PDE10A: variants seen among roughly 807,000 people sequenced by gnomAD.
The protein encoded by PDE10A is phosphodiesterase 10A.
A neutral mutation model predicts 97.7 loss-of-function variants in PDE10A; 39 were observed. The ratio of observed to expected loss-of-function variants is 0.40; its 90% CI spans 0.31 to 0.52. The LOEUF (loss-of-function observed/expected upper bound fraction) is 0.52, where lower values mean the gene tolerates loss of function less well. Ranked by LOEUF, PDE10A falls within the 20% of genes least tolerant of loss-of-function variation. PDE10A has a pLI of 0.56. For synonymous variants in PDE10A, 371 were observed against 376.8 expected (o/e 0.98, Z 0.18); for missense variants, 731 against 1,047.8 (o/e 0.70, Z 4.17).
chr6:165,423,757 C>T (rs1003597515), intron 10 of PDE10A, among the ~76,000 whole-genome samples: 4 of 150,708 alleles, frequency 2.7e-5, no homozygotes, highest in African/African-American at 4.9e-5. Flanking sequence ...CCCAGCTACT[C>T]GGGAGGCTGA....
At chr6:165,527,116 G>A (rs1315970715) in intron 2 of PDE10A, among the ~76,000 whole-genome samples, 1 of 152,206 alleles carries the variant, frequency 6.6e-6, no homozygotes, top group Non-Finnish European at 1.5e-5. Flanking sequence ...GGGGTCCAGT[G>A]GTCTGGGGCC....
intron 3 of PDE10A, among the ~76,000 whole-genome samples, chr6:165,459,558 CAGATAGAT>C (rs374037848): frequency 0.011 from 1,021 of 93,676 alleles, 9 homozygotes; most frequent in African/African-American, 0.029. Flanking sequence ...GACAGACAGA[CAGATAGAT>C]AGATAATGAT....
intron 1 of PDE10A, among the ~76,000 whole-genome samples, chr6:165,882,511 G>A (rs1219701179): frequency 2.6e-5 from 4 of 152,130 alleles, no homozygotes; most frequent in Non-Finnish European, 5.9e-5. Context: ...GCTTAAAAAG[G>A]ATAACAAGAC....
intron 1 of PDE10A, among the ~76,000 whole-genome samples, chr6:165,771,298 T>C (rs914847191): frequency 4.6e-5 from 7 of 152,172 alleles, no homozygotes; most frequent in African/African-American, 7.2e-5. Context: ...TAACATCTGG[T>C]TGGACTCCAC....
At chr6:165,823,503 T>TGAACCTTA (rs1255802648) in intron 1 of PDE10A, among the ~76,000 whole-genome samples, 27 of 125,768 alleles carry the variant, frequency 2.1e-4, no homozygotes, top group Non-Finnish European at 1.2e-4. Flanking sequence ...TATATATATA[T>TGAACCTTA]ATATATATAT....
intron 6 of PDE10A, 101 bp from the exon 7 acceptor site, chr6:165,433,230 A>G (rs1583275986): frequency 1.2e-6 from 1 of 827,460 alleles, no homozygotes; most frequent in Non-Finnish European, 1.9e-6. Context: ...GTAATCAATA[A>G]TAAGCAGTAC....
chr6:165,970,329 A>G (rs1270820315), intron 1 of PDE10A, among the ~76,000 whole-genome samples: 1 of 152,222 alleles, frequency 6.6e-6, no homozygotes, highest in Non-Finnish European at 1.5e-5. Flanking sequence ...TGAAGATTAG[A>G]TGGTAGAGAT....
At chr6:165,761,579 C>T (rs1044590577) in intron 1 of PDE10A, among the ~76,000 whole-genome samples, 2 of 151,880 alleles carry the variant, frequency 1.3e-5, no homozygotes, top group Admixed American at 1.3e-4. Context: ...GAAGTTAAGA[C>T]ATCATATCAC....
chr6:165,732,073 G>A (rs549406714), intron 1 of PDE10A, among the ~76,000 whole-genome samples: 4 of 152,180 alleles, frequency 2.6e-5, no homozygotes, highest in African/African-American at 7.2e-5. Context: ...ATGAATTAAC[G>A]TGTACTGTTT....
At chr6:165,855,309 G>GC (rs1462319656) in intron 1 of PDE10A, among the ~76,000 whole-genome samples, 1 of 142,826 alleles carries the variant, frequency 7.0e-6, no homozygotes, top group Non-Finnish European at 1.5e-5. Context: ...AAGTGGCGGG[G>GC]GGGGGGGGGG....
intron 1 of PDE10A, among the ~76,000 whole-genome samples, chr6:165,748,010 T>C (rs367621355): frequency 2.0e-5 from 3 of 152,196 alleles, no homozygotes; most frequent in East Asian, 1.9e-4. Context: ...ATAGCCCCAA[T>C]TGGTGCTCAC....
intron 1 of PDE10A, among the ~76,000 whole-genome samples, chr6:165,906,402 G>C (rs1782288046): frequency 6.6e-6 from 1 of 151,974 alleles, no homozygotes; most frequent in Non-Finnish European, 1.5e-5. Context: ...AGGATCCACA[G>C]TGCCGAAGTC....
In PDE10A at chr6:165,663,154, G is replaced by A. The variant is rs972622340; in HGVS notation, c.-343C>T. On this transcript the variant is annotated 5_prime_UTR_variant, in exon 1 of 22. Coordinates refer to ENST00000539869, the MANE Select transcript of PDE10A (RefSeq NM_001385079.1). ...GTGCGCGCTCCGGCGGCTGAGCCTCGGCGGCTTCTCGAAAGCAGCGGAGAA... is the reference window on the plus strand; with the variant it reads ...GTGCGCGCTCCGGCGGCTGAGCCTCAGCGGCTTCTCGAAAGCAGCGGAGAA... Among the ~76,000 whole-genome samples, 57 of 151,974 alleles carry A rather than the reference G, an allele frequency of 3.8e-4. No homozygotes were observed. Among genetic ancestry groups the A allele is most frequent in the East Asian group, 2.0e-3 (10 of 5,102 alleles).
Position 165,549,807 on chromosome 6 carries a change from T to C in PDE10A, c.866-6239A>G, listed in dbSNP as rs1583519975. Among the ~76,000 whole-genome samples, 4 of 152,350 alleles carry C rather than the reference T, an allele frequency of 2.6e-5. No homozygotes were observed. The South Asian group carries it at 8.3e-4, about 32-fold the overall frequency. On this transcript the variant is annotated intron_variant, in intron 1 of 21. Transcript: ENST00000539869. ...ATCACCTTAATATCTATAAAAATTATTTATTTTAAAAGTCAGTTTCAAATC... is the reference window on the plus strand; with the variant it reads ...ATCACCTTAATATCTATAAAAATTACTTATTTTAAAAGTCAGTTTCAAATC...
intron 1 of PDE10A, among the ~76,000 whole-genome samples, chr6:165,933,223 G>T (rs1414780726): frequency 6.6e-6 from 1 of 152,146 alleles, no homozygotes; most frequent in Non-Finnish European, 1.5e-5. Flanking sequence ...TCCCTATGTT[G>T]TCAGTGGGCA....
intron 1 of PDE10A, among the ~76,000 whole-genome samples, chr6:165,946,352 G>A (rs560575365): frequency 4.8e-4 from 73 of 152,160 alleles, no homozygotes; most frequent in African/African-American, 1.6e-3. Context: ...AACATTAGCC[G>A]GGTGTGCTGG....
intron 1 of PDE10A, among the ~76,000 whole-genome samples, chr6:165,648,959 T>A (rs966289957): frequency 6.6e-6 from 1 of 152,072 alleles, no homozygotes; most frequent in South Asian, 2.1e-4. Flanking sequence ...CTTGTCCCCA[T>A]CCCAGGAGCC....
intron 1 of PDE10A, among the ~76,000 whole-genome samples, chr6:165,740,178 G>A (rs1270295935): frequency 6.6e-6 from 1 of 152,126 alleles, no homozygotes; most frequent in African/African-American, 2.4e-5. Flanking sequence ...CACTGTAGAA[G>A]GAGTCACAGT....
At chr6:165,427,397 A>G (rs1053234849) in intron 10 of PDE10A, among the ~76,000 whole-genome samples, 2 of 152,170 alleles carry the variant, frequency 1.3e-5, no homozygotes, top group African/African-American at 2.4e-5. Flanking sequence ...TTCTTTTCAG[A>G]TAAAATGCCC....
Sources: allele counts gnomAD v4.1 joint callset (sites outside exome capture counted in the v4.1 genomes callset), GRCh38; gene constraint gnomAD v4.1.1; transcripts MANE v1.5; gene names NCBI Gene and HGNC (gene_info 2026-07-23, HGNC 2026-07-21).